PPP3R1: variants seen among roughly 807,000 people sequenced by gnomAD.
The protein encoded by PPP3R1 is protein phosphatase 3 regulatory subunit B, alpha, also known as calcineurin subunit B type 1.
In PPP3R1, 5 loss-of-function variants were observed where a neutral mutation model predicts 22.6. The ratio of observed to expected loss-of-function variants is 0.22; its 90% CI spans 0.12 to 0.46. The LOEUF (loss-of-function observed/expected upper bound fraction) is 0.46, where lower values mean the gene tolerates loss of function less well. Ranked by LOEUF, PPP3R1 falls within the 20% of genes least tolerant of loss-of-function variation. The probability of loss-of-function intolerance (pLI) is 0.99; values close to 1 mark genes in which losing one functional copy is unlikely to be tolerated. For missense variants in PPP3R1, 61 were observed against 203.2 expected, an observed-to-expected ratio of 0.30 and a Z score of 4.25; for synonymous variants, 56 against 65.2, an observed-to-expected ratio of 0.86 and a Z score of 0.68.
intron 2 of PPP3R1, among the ~76,000 whole-genome samples, chr2:68,216,200 A>C (rs1263800196): frequency 6.6e-6 from 1 of 152,134 alleles, no homozygotes; most frequent in Non-Finnish European, 1.5e-5. Flanking sequence ...AAAAACAAAA[A>C]AGGAAAAAAA....
intron 1 of PPP3R1, among the ~76,000 whole-genome samples, chr2:68,240,604 T>A (rs1398637810): frequency 5.9e-5 from 9 of 152,174 alleles, no homozygotes; most frequent in African/African-American, 2.2e-4. Flanking sequence ...TCTGGGAGTG[T>A]ATGGCTCCCC....
At chr2:68,189,103 G>A (rs1037031640) in intron 2 of PPP3R1, among the ~76,000 whole-genome samples, 21 of 152,244 alleles carry the variant, frequency 1.4e-4, no homozygotes, top group Admixed American at 8.5e-4. Flanking sequence ...GTAAACCGAA[G>A]TACTTTCATT....
chr2:68,235,747 AACTC>A (rs986319511), intron 1 of PPP3R1, among the ~76,000 whole-genome samples: 3 of 152,212 alleles, frequency 2.0e-5, no homozygotes, highest in Admixed American at 1.3e-4. Context: ...GTCATATGGT[AACTC>A]TATGTTTGAC....
rs182154739 is a variant in PPP3R1, at chr2:68,209,459, A to T, written c.43+7633T>A. 2.2e-3 allele frequency among the ~76,000 whole-genome samples: 334 copies of T among 150,446 alleles called. 3 individuals carry two copies. Among genetic ancestry groups the T allele is most frequent in the African/African-American group, 7.9e-3 (326 of 41,172 alleles). On this transcript the variant is annotated intron_variant, in intron 2 of 5. Transcript: ENST00000234310. Reference sequence around the variant, plus strand: ...ATTTGGGTTTAGGTCAACTGCTATTAAAAAAAAATAAAGGCCAGGTACAGT... The same window carrying T: ...ATTTGGGTTTAGGTCAACTGCTATTTAAAAAAAATAAAGGCCAGGTACAGT...
intron 1 of PPP3R1, among the ~76,000 whole-genome samples, chr2:68,218,718 G>A (rs1037526974): frequency 9.5e-6 from 1 of 105,310 alleles, no homozygotes; most frequent in African/African-American, 4.9e-5. Context: ...AATTTGCACT[G>A]TCACTGTGAG....
rs142099245 is a variant in PPP3R1, at chr2:68,218,196, C to T, written c.4-1065G>A. ...TACAGTTGCTATTAATTTAAGTGTA[C>T]AATTAACATGGGCATATTTAAATAT... is the stretch of plus-strand genomic sequence containing the variant. On this transcript the variant is annotated intron_variant, in intron 1 of 5. Transcript: ENST00000234310. Among the ~76,000 whole-genome samples, 391 of 152,144 alleles carry T rather than the reference C, an allele frequency of 2.6e-3. 4 individuals carry two copies. The highest frequency in any genetic ancestry group is 9.1e-3 in the African/African-American group (380 of 41,532).
intron 1 of PPP3R1, among the ~76,000 whole-genome samples, chr2:68,232,077 T>C (rs1669913186): frequency 7.3e-6 from 1 of 136,608 alleles, no homozygotes; most frequent in Non-Finnish European, 1.5e-5. Context: ...CAGGACAACA[T>C]GGGAATACCC....
intron 1 of PPP3R1, among the ~76,000 whole-genome samples, chr2:68,246,576 TTC>T (rs1572980536): frequency 6.6e-6 from 1 of 152,134 alleles, no homozygotes; most frequent in African/African-American, 2.4e-5. Flanking sequence ...CATCTTTAAG[TTC>T]TCTTTCTTGA....
intron 1 of PPP3R1, 34 bp downstream of exon 1, chr2:68,252,091 G>A: frequency 1.4e-6 from 2 of 1,419,606 alleles, no homozygotes; most frequent in Admixed American, 2.1e-5. Context: ...GCAGTAGGGG[G>A]AGGGATGGTG....
chr2:68,240,048 G>A (rs770991036), intron 1 of PPP3R1, among the ~76,000 whole-genome samples: 1 of 152,180 alleles, frequency 6.6e-6, no homozygotes, highest in Non-Finnish European at 1.5e-5. Context: ...CACATTTAAG[G>A]TAGGCTAGAC....
At chr2:68,252,068 G>T in intron 1 of PPP3R1, 57 bp downstream of exon 1, 1 of 1,366,190 alleles carries the variant, frequency 7.3e-7, no homozygotes, top group Admixed American at 2.3e-5. Flanking sequence ...CCCCGCACCC[G>T]ACCCGGACGG....
chr2:68,188,454 G>C, intron 3 of PPP3R1, 60 bp downstream of exon 3: 1 of 1,298,776 alleles, frequency 7.7e-7, no homozygotes, highest in Non-Finnish European at 1.0e-6. Flanking sequence ...TTTACACAGA[G>C]CTGTAAGAAT....
intron 5 of PPP3R1, among the ~76,000 whole-genome samples, chr2:68,182,956 T>C (rs979520319): frequency 1.3e-5 from 2 of 152,178 alleles, no homozygotes; most frequent in African/African-American, 4.8e-5. Context: ...TTGAAAGCAC[T>C]CTTTGAGCCT....
intron 1 of PPP3R1, among the ~76,000 whole-genome samples, chr2:68,220,370 C>T (rs78934824): frequency 0.052 from 7,964 of 152,204 alleles, 287 homozygotes; most frequent in Non-Finnish European, 0.086. Context: ...CTCCCCAAGT[C>T]CAGGAAAAGA....
At chr2:68,229,330 C>T (rs1453091177) in intron 1 of PPP3R1, among the ~76,000 whole-genome samples, 1 of 152,066 alleles carries the variant, frequency 6.6e-6, no homozygotes, top group Non-Finnish European at 1.5e-5. Context: ...ACTTTTATGG[C>T]CCAGGACATA....
At chr2:68,201,332 GACTT>G (rs760946748) in intron 2 of PPP3R1, among the ~76,000 whole-genome samples, 42 of 152,184 alleles carry the variant, frequency 2.8e-4, no homozygotes, top group African/African-American at 1.0e-3. Context: ...CATTATTCAA[GACTT>G]ACTTACACGT....
chr2:68,201,770 T>C (rs990909423), intron 2 of PPP3R1, among the ~76,000 whole-genome samples: 8 of 152,262 alleles, frequency 5.3e-5, no homozygotes, highest in African/African-American at 1.9e-4. Context: ...TATCAAATTC[T>C]GGATTAGAAA....
chr2:68,242,264 TA>T (rs1415136243), intron 1 of PPP3R1, among the ~76,000 whole-genome samples: 1 of 151,880 alleles, frequency 6.6e-6, no homozygotes. Context: ...CTGTCTCTAC[TA>T]AAAATACAAA....
rs114081256 is a variant in PPP3R1, at chr2:68,226,032, A to G, written c.4-8901T>C. ...GAAAAGACTACTAATACACCCAATAACATAATGAATCTCAAAAGCAATATG... is the reference window on the plus strand; with the variant it reads ...GAAAAGACTACTAATACACCCAATAGCATAATGAATCTCAAAAGCAATATG... On this transcript the variant is annotated intron_variant, in intron 1 of 5. Coordinates refer to ENST00000234310, the MANE Select transcript of PPP3R1 (RefSeq NM_000945.4). Among the ~76,000 whole-genome samples the G allele has an allele frequency of 1.3e-3, 198 of 152,328 alleles. 3 individuals are homozygous for G. The highest frequency in any genetic ancestry group is 4.2e-3 in the African/African-American group (176 of 41,584).
Sources: allele counts gnomAD v4.1 joint callset (sites outside exome capture counted in the v4.1 genomes callset), GRCh38; gene constraint gnomAD v4.1.1; transcripts MANE v1.5; gene names NCBI Gene and HGNC (gene_info 2026-07-23, HGNC 2026-07-21).